The following ATP11A variants were observed in gnomAD, a reference collection of about 807,000 sequenced individuals.
ATP11A encodes phospholipid-transporting ATPase IH.
In ATP11A, 81 loss-of-function variants were observed where a neutral mutation model predicts 154.4. The ratio of observed to expected loss-of-function variants is 0.52; its 90% CI spans 0.44 to 0.63. The LOEUF (loss-of-function observed/expected upper bound fraction) is 0.63. Ranked by LOEUF, ATP11A falls within the 30% of genes least tolerant of loss-of-function variation. The pLI is 0.00. For missense variants in ATP11A, 1,316 were observed against 1,474.3 expected (o/e 0.89, Z 1.76); for synonymous variants, 623 against 585.9 (o/e 1.06, Z -0.91).
chr13:112,859,473 G>A lies in ATP11A; in HGVS notation c.2727+21G>A. On this transcript the variant is annotated intron_variant, in intron 23 of 29. Transcript: ENST00000375645. This position sits in a 1 kb window ranked among gnomAD's most constrained non-coding sequence, Gnocchi z 4.3. Reference sequence around the variant, plus strand: ...AACAGGTCAGTCCTAGGGTCTTCAGGGACAGGCTGTCTGAGCCTTCTTTTC... The same window carrying A: ...AACAGGTCAGTCCTAGGGTCTTCAGAGACAGGCTGTCTGAGCCTTCTTTTC... The A allele has an allele frequency of 6.2e-7, 1 of 1,603,388 alleles. No individual in the cohort carries two copies. The highest frequency in any genetic ancestry group is 8.5e-7 in the Non-Finnish European group (1 of 1,170,444).
intron 17 of ATP11A, among the ~76,000 whole-genome samples, chr13:112,848,039 C>T (rs1367045940): frequency 2.6e-5 from 4 of 152,120 alleles, no homozygotes; most frequent in South Asian, 2.1e-4. Flanking sequence ...AGTAGTGAGC[C>T]GTGATGGCAC....
intron 1 of ATP11A, among the ~76,000 whole-genome samples, chr13:112,705,999 T>C (rs1341411815): frequency 6.6e-6 from 1 of 152,230 alleles, no homozygotes; most frequent in African/African-American, 2.4e-5. Context: ...CCAGATCTTT[T>C]TCATCATCCC....
intron 2 of ATP11A, among the ~76,000 whole-genome samples, chr13:112,801,955 C>G (rs373109067): frequency 1.9e-4 from 29 of 152,278 alleles, no homozygotes; most frequent in African/African-American, 6.5e-4. Flanking sequence ...AGAATAGCCT[C>G]GCAGTATTGA....
chr13:112,728,647 C>T (rs1361859693), intron 1 of ATP11A, among the ~76,000 whole-genome samples: 2 of 150,950 alleles, frequency 1.3e-5, no homozygotes, highest in East Asian at 3.9e-4. Context: ...CTGTATGTAC[C>T]GCTTTGTCAG....
intron 23 of ATP11A, 107 bp from the exon 24 acceptor site, chr13:112,860,180 C>T (rs1444365845): frequency 7.6e-7 from 1 of 1,312,222 alleles, no homozygotes; most frequent in Non-Finnish European, 1.1e-6. Context: ...TTGAAAAGCG[C>T]TCTGGTCTTT....
At chr13:112,747,629 A>C (rs192936835) in intron 1 of ATP11A, among the ~76,000 whole-genome samples, 1 of 152,320 alleles carries the variant, frequency 6.6e-6, no homozygotes, top group Non-Finnish European at 1.5e-5. Context: ...TGAGGTCAGG[A>C]GTTCGAGACC....
At chr13:112,854,577 G>A in intron 19 of ATP11A, 47 bp downstream of exon 19, 1 of 1,571,040 alleles carries the variant, frequency 6.4e-7, no homozygotes, top group Non-Finnish European at 8.6e-7. Context: ...CGCAAAAGGG[G>A]CTTCAGACCC....
chr13:112,826,463 T>C (rs2078936668), intron 11 of ATP11A, among the ~76,000 whole-genome samples: 1 of 152,228 alleles, frequency 6.6e-6, no homozygotes, highest in African/African-American at 2.4e-5. Context: ...CTCCACTTGC[T>C]GGCAGGACAG....
intron 1 of ATP11A, among the ~76,000 whole-genome samples, chr13:112,702,345 C>CAAAA (rs35687422): frequency 0.015 from 1,781 of 121,506 alleles, 52 homozygotes; most frequent in South Asian, 0.056. Flanking sequence ...GATTCTGTCT[C>CAAAA]AAAAAAAAAA....
chr13:112,700,883 C>T (rs1298726216), intron 1 of ATP11A, among the ~76,000 whole-genome samples: 2 of 152,214 alleles, frequency 1.3e-5, no homozygotes, highest in East Asian at 1.9e-4. Flanking sequence ...CTAGCATCCC[C>T]GCTACCCCTG....
At chr13:112,710,047 C>A (rs938708711) in intron 1 of ATP11A, among the ~76,000 whole-genome samples, 6 of 152,254 alleles carry the variant, frequency 3.9e-5, no homozygotes, top group Admixed American at 6.5e-5. Context: ...TGGAGCTGGG[C>A]ATCAGCCATG....
chr13:112,749,567 G>A (rs2076641270), intron 1 of ATP11A, among the ~76,000 whole-genome samples: 1 of 152,240 alleles, frequency 6.6e-6, no homozygotes, highest in South Asian at 2.1e-4. Flanking sequence ...ATGCTTTGGG[G>A]AAAGTACTGA....
At chr13:112,797,232 A>C (rs1428744476) in intron 2 of ATP11A, among the ~76,000 whole-genome samples, 1 of 151,210 alleles carries the variant, frequency 6.6e-6, no homozygotes, top group Non-Finnish European at 1.5e-5. Context: ...GCAGTGAGCC[A>C]AGATAGCACC....
chr13:112,729,386 C>T (rs1409723607), intron 1 of ATP11A, among the ~76,000 whole-genome samples: 3 of 151,234 alleles, frequency 2.0e-5, no homozygotes, highest in Non-Finnish European at 4.4e-5. Flanking sequence ...GCATTGCGGG[C>T]CCAGAGTATC....
At chr13:112,725,503 G>A (rs1300337571) in intron 1 of ATP11A, among the ~76,000 whole-genome samples, 2 of 152,226 alleles carry the variant, frequency 1.3e-5, no homozygotes, top group Non-Finnish European at 2.9e-5. Context: ...GTGATAGGCT[G>A]CGTCTGCACG....
intron 1 of ATP11A, among the ~76,000 whole-genome samples, chr13:112,708,869 A>T (rs1401338007): frequency 1.3e-5 from 2 of 152,166 alleles, no homozygotes; most frequent in Non-Finnish European, 2.9e-5. Context: ...AGAATCTAGG[A>T]TCATGTGCAT....
chr13:112,827,365 C>T (rs2078960394), intron 12 of ATP11A, among the ~76,000 whole-genome samples: 1 of 152,262 alleles, frequency 6.6e-6, no homozygotes. Context: ...ACCGCCACAC[C>T]TCGAGTGTCT....
rs539967182 is a variant in ATP11A at position 112,824,829 on chromosome 13, C to G, written c.872+404C>G. 3.0e-4 allele frequency among the ~76,000 whole-genome samples: 45 copies of G among 152,334 alleles called. No individual in the cohort carries two copies. In the South Asian group the frequency reaches 9.1e-3, roughly 31 times the overall value. ...AAAGCGTTAGCAGAGAGAACAGAAT[C>G]ATCTTTTCATTAAACAGTAAAGTCC... On this transcript the variant is annotated intron_variant, in intron 10 of 29. Transcript: ENST00000375645.
intron 1 of ATP11A, among the ~76,000 whole-genome samples, chr13:112,704,466 G>C (rs1055203565): frequency 2.6e-5 from 4 of 152,262 alleles, no homozygotes; most frequent in African/African-American, 9.6e-5. Context: ...CACAGTGGCT[G>C]CTCTGCCCCC....
Sources: allele counts gnomAD v4.1 joint callset (sites outside exome capture counted in the v4.1 genomes callset), GRCh38; gene constraint gnomAD v4.1.1; non-coding constraint Gnocchi (gnomAD v3.1); transcripts MANE v1.5; gene names NCBI Gene and HGNC (gene_info 2026-07-23, HGNC 2026-07-21).